The following MSI1 variants were observed in gnomAD, a reference collection of about 807,000 sequenced individuals.
MSI1 encodes musashi RNA binding protein 1.
MSI1 carries 15 observed loss-of-function variants against 54.4 expected under a neutral mutation model. The ratio of observed to expected loss-of-function variants is 0.28; its 90% CI spans 0.18 to 0.42. The LOEUF (loss-of-function observed/expected upper bound fraction) is 0.42, where lower values mean the gene tolerates loss of function less well. Ranked by LOEUF, MSI1 falls within the 20% of genes least tolerant of loss-of-function variation. The probability of loss-of-function intolerance (pLI) is 1.00; values close to 1 mark genes in which losing one functional copy is unlikely to be tolerated. For synonymous variants in MSI1, 200 were observed against 196.5 expected (o/e 1.02, Z -0.15); for missense variants, 304 against 506.0 (o/e 0.60, Z 3.83).
chr12:120,351,050 G>T (rs536080417), intron 11 of MSI1, among the ~76,000 whole-genome samples: 2 of 152,194 alleles, frequency 1.3e-5, no homozygotes, highest in South Asian at 4.1e-4. Context: ...TTCACTGCGG[G>T]ATCCCAGAGC....
At position 120,358,026 on chromosome 12, in the gene MSI1, C is replaced by T; in HGVS notation, c.452-128G>A. Reference sequence around the variant, plus strand: ...GTGAGAGTTAATGAAAGGCTCTGCTCACAGCCTGGAATCCTCTCAACTATC... The same window carrying T: ...GTGAGAGTTAATGAAAGGCTCTGCTTACAGCCTGGAATCCTCTCAACTATC... On this transcript the variant is annotated intron_variant, in intron 7 of 14. Transcript: ENST00000257552. 6 of 754,684 alleles carry T rather than the reference C, an allele frequency of 8.0e-6. No individual in the cohort carries two copies. The South Asian group carries it at 9.5e-5, about 12-fold the overall frequency. The allele number at this position is 754,684 out of a possible 1,614,324, so 46.7% of individuals were successfully genotyped here.
At position 120,368,689 on chromosome 12, in the gene MSI1, G is replaced by A. The variant is rs1394898078; in HGVS notation, c.100+144C>T. The stretch of plus-strand genomic sequence containing the variant: ...CGCTCGCGGATCGCCCTGCGCTCTC[G>A]GGGTCTCCGGGCGGGGCGCGAAAGA... On this transcript the variant is annotated intron_variant, in intron 2 of 14. Transcript: ENST00000257552. This position sits in a 1 kb window ranked among gnomAD's most constrained non-coding sequence, Gnocchi z 6.6. 10 of 698,496 alleles carry A rather than the reference G, an allele frequency of 1.4e-5. 1 individual carries two copies. The highest frequency in any genetic ancestry group is 9.5e-5 in the African/African-American group (5 of 52,386). 43.3% of individuals were successfully genotyped at this position (698,496 alleles called of 1,614,324 possible).
intron 14 of MSI1, among the ~76,000 whole-genome samples, chr12:120,344,586 G>A (rs1478502512): frequency 6.6e-6 from 1 of 152,178 alleles, no homozygotes; most frequent in Non-Finnish European, 1.5e-5. Flanking sequence ...GCATGCTCTT[G>A]TGGTCCCCGC....
At chr12:120,346,447 C>T (rs1274539837) in intron 12 of MSI1, 125 bp from the exon 13 acceptor site, 1 of 969,362 alleles carries the variant, frequency 1.0e-6, no homozygotes, top group Non-Finnish European at 1.5e-6. Context: ...GTGGGCCCAC[C>T]TCCTGGAGAT....
chr12:120,356,895 C>G lies in MSI1; in HGVS notation c.652+7G>C, dbSNP rs377613546. 15 of 1,612,380 alleles carry G rather than the reference C, an allele frequency of 9.3e-6. No individual in the cohort carries two copies. The highest frequency in any genetic ancestry group is 1.3e-5 in the Non-Finnish European group (15 of 1,179,008). On this transcript the variant is annotated splice_region_variant and intron_variant, in intron 9 of 14. Transcript: ENST00000257552. ...GAAAGAAGCCGCAGGCGCAGGCTCG[C>G]GCATACCCAGCATGCCGATGCCCAG...
intron 10 of MSI1, among the ~76,000 whole-genome samples, 163 bp downstream of exon 10, chr12:120,353,136 G>T (rs1441919890): frequency 3.3e-5 from 5 of 152,058 alleles, no homozygotes; most frequent in Non-Finnish European, 7.4e-5. Context: ...GGGGTTTGGG[G>T]GGGATGGGTG....
At chr12:120,344,432 G>A (rs996381814) in intron 14 of MSI1, among the ~76,000 whole-genome samples, 1 of 152,182 alleles carries the variant, frequency 6.6e-6, no homozygotes, top group African/African-American at 2.4e-5. Context: ...GCTGGGCCCG[G>A]TGGCTCATGC....
At chr12:120,360,603 C>T (rs757251450) in intron 6 of MSI1, among the ~76,000 whole-genome samples, 2 of 152,198 alleles carry the variant, frequency 1.3e-5, no homozygotes, top group Non-Finnish European at 2.9e-5. Context: ...ACATCTTGCC[C>T]ACCCCTCACT....
intron 12 of MSI1, among the ~76,000 whole-genome samples, chr12:120,346,875 G>A (rs1437128157): frequency 6.6e-6 from 1 of 152,104 alleles, no homozygotes; most frequent in Non-Finnish European, 1.5e-5. Flanking sequence ...TCAGCCATCA[G>A]CATTATTGCC....
downstream of MSI1, among the ~76,000 whole-genome samples, chr12:120,340,657 A>G (rs1052469680): frequency 1.3e-5 from 2 of 151,938 alleles, no homozygotes; most frequent in African/African-American, 4.8e-5. Flanking sequence ...CTGGGACCAC[A>G]GGCTTGTGCC....
At chr12:120,365,994 G>A (rs1301557384) in intron 4 of MSI1, among the ~76,000 whole-genome samples, 2 of 152,166 alleles carry the variant, frequency 1.3e-5, no homozygotes, top group Non-Finnish European at 2.9e-5. Flanking sequence ...TTTGCCCTTG[G>A]CTGTGAACAA....
Position 120,368,248 on chromosome 12 carries a change from C to A in MSI1, c.126G>T (p.Gln42His), listed in dbSNP as rs998335180. 1.9e-6 allele frequency: 3 copies of A among 1,584,630 alleles called. No individual in the cohort carries two copies. Among genetic ancestry groups the A allele is most frequent in the Non-Finnish European group, 2.6e-6 (3 of 1,164,560 alleles). The change falls in exon 3 of 15, where the codon CAG (glutamine) becomes CAT (histidine). Residue 42 changes from glutamine to histidine, a missense_variant. Gln to His is a conservative substitution (Grantham distance 24). Coordinates refer to ENST00000257552, the MANE Select transcript of MSI1 (RefSeq NM_002442.4). This position sits in a 1 kb window ranked among gnomAD's most constrained non-coding sequence, Gnocchi z 6.6. ...TQEGLREYFG[Q>H]FGEVKECLVM... ...CCAGACACTCCTTCACCTCCCCGAA[C>A]TGGCCGAAGTATTCGCGCAGCCCTT...
At chr12:120,343,337 TG>T (rs1208407346) in intron 14 of MSI1, among the ~76,000 whole-genome samples, 1 of 152,092 alleles carries the variant, frequency 6.6e-6, no homozygotes, top group East Asian at 1.9e-4. Context: ...CCTGAGACTC[TG>T]GGATTACAGG....
At chr12:120,360,588 T>A (rs1249063510) in intron 6 of MSI1, among the ~76,000 whole-genome samples, 1 of 152,212 alleles carries the variant, frequency 6.6e-6, no homozygotes, top group East Asian at 1.9e-4. Context: ...CATTTCAGGT[T>A]CAGCACATCT....
At chr12:120,348,885 C>A (rs1874367544) in intron 11 of MSI1, among the ~76,000 whole-genome samples, 1 of 151,808 alleles carries the variant, frequency 6.6e-6, no homozygotes, top group Admixed American at 6.6e-5. Flanking sequence ...AAGAGCACAA[C>A]TTCATCTCAA....
chr12:120,357,089 GC>G, intron 8 of MSI1, 70 bp from the exon 9 acceptor site: 1 of 1,361,404 alleles, frequency 7.3e-7, no homozygotes, highest in Middle Eastern at 1.8e-4. Flanking sequence ...TCCCTGGAAA[GC>G]CCCTTTATTA....
chr12:120,342,643 G>A lies in MSI1; in HGVS notation c.*484C>T, dbSNP rs1294201796. The A allele has an allele frequency of 9.0e-6, 1 of 111,186 alleles. No homozygotes were observed. Among genetic ancestry groups the A allele is most frequent in the Non-Finnish European group, 1.8e-5 (1 of 55,026 alleles). The allele number at this position is 111,186 out of a possible 1,614,324, so 6.9% of individuals were successfully genotyped here. ...CAAACCTAGAAATAGTTTAAAAAAG[G>A]TTTCTTTAAAAAAAAAAAAAAAAAA... On this transcript the variant is annotated 3_prime_UTR_variant, in exon 15 of 15. Transcript: ENST00000257552.
At position 120,368,719 on chromosome 12, in the gene MSI1, G is replaced by T. The variant is rs1876191189; in HGVS notation, c.100+114C>A. The T allele has an allele frequency of 5.9e-6, 6 of 1,010,834 alleles. No individual in the cohort carries two copies. In the South Asian group the frequency reaches 2.3e-4, roughly 39 times the overall value. 62.6% of individuals were successfully genotyped at this position (1,010,834 alleles called of 1,614,324 possible). On this transcript the variant is annotated intron_variant, in intron 2 of 14. Transcript: ENST00000257552. This position sits in a 1 kb window ranked among gnomAD's most constrained non-coding sequence, Gnocchi z 6.6. ...CTCCGGGCGGGGCGCGAAAGAGGGC[G>T]CGAGGGCGCCCGGGGTCAGCAGGGC...
intron 6 of MSI1, among the ~76,000 whole-genome samples, chr12:120,361,986 A>G (rs1409547597): frequency 6.6e-6 from 1 of 150,958 alleles, no homozygotes; most frequent in Non-Finnish European, 1.5e-5. Context: ...CTCAGACACA[A>G]AGACACCCCG....
Sources: gnomAD v4.1 joint callset for allele counts (sites outside exome capture counted in the v4.1 genomes callset) on GRCh38, gnomAD v4.1.1 for gene constraint, Gnocchi (gnomAD v3.1) non-coding constraint, MANE v1.5 for transcripts, NCBI Gene and HGNC (gene_info 2026-07-23, HGNC 2026-07-21) for gene names.